Variants in NRCAM observed in about 807,000 individuals in gnomAD.
The protein encoded by NRCAM is NgCAM-related cell adhesion molecule.
A neutral mutation model predicts 156.5 loss-of-function variants in NRCAM; 83 were observed. The observed-to-expected ratio is 0.53, with a 90% CI of 0.44 to 0.64. The LOEUF is 0.64. NRCAM is among the 30% of genes least tolerant of loss of function. The probability of loss-of-function intolerance (pLI) is 0.00; values close to 1 mark genes in which losing one functional copy is unlikely to be tolerated. For synonymous variants in NRCAM, 538 were observed against 563.9 expected (o/e 0.95, Z 0.65); for missense variants, 1,417 against 1,597.3 (o/e 0.89, Z 1.92).
At chr7:108,223,513 C>T (rs1394378464) in intron 11 of NRCAM, among the ~76,000 whole-genome samples, 1 of 151,966 alleles carries the variant, frequency 6.6e-6, no homozygotes, top group African/African-American at 2.4e-5. Context: ...ATTACTGATA[C>T]TTATTTCAAT....
In NRCAM at chr7:108,209,610, T is replaced by C. The variant is rs2082949840; in HGVS notation, c.891-5A>G. 3 of 1,573,672 alleles carry C rather than the reference T, an allele frequency of 1.9e-6. No individual in the cohort carries two copies. Among genetic ancestry groups the C allele is most frequent in the African/African-American group, 1.4e-5 (1 of 72,818 alleles). On this transcript the variant is annotated splice_polypyrimidine_tract_variant and splice_region_variant and intron_variant, in intron 11 of 32. Transcript: ENST00000379028. ...CAGTAAATAATTGGGGTAGGCCTGA[T>C]AGGATAAATAAATAATGATGTTACA...
intron 2 of NRCAM, among the ~76,000 whole-genome samples, chr7:108,374,976 A>G (rs973941633): frequency 5.3e-5 from 8 of 152,170 alleles, no homozygotes; most frequent in African/African-American, 1.9e-4. Context: ...ATTTATTGAG[A>G]GTCAGTACAT....
intron 32 of NRCAM, among the ~76,000 whole-genome samples, chr7:108,155,189 C>T (rs1172515180): frequency 6.7e-6 from 1 of 150,062 alleles, no homozygotes; most frequent in Non-Finnish European, 1.5e-5. Flanking sequence ...GAGTAGGCAG[C>T]AGTAGTATTC....
chr7:108,237,728 A>G (rs748993014), intron 5 of NRCAM, 24 bp downstream of exon 5: 2 of 1,566,464 alleles, frequency 1.3e-6, no homozygotes, highest in Non-Finnish European at 1.7e-6. Context: ...CACACTGCCT[A>G]GTAATTTATA....
intron 1 of NRCAM, among the ~76,000 whole-genome samples, chr7:108,414,482 G>A (rs1312598694): frequency 6.6e-6 from 1 of 152,134 alleles, no homozygotes; most frequent in Non-Finnish European, 1.5e-5. Context: ...CTCTACATTA[G>A]ACTAGCCCTG....
rs954191486 is a variant in NRCAM at position 108,240,043 on chromosome 7, T to C, written c.22A>G (p.Lys8Glu). 6.2e-7 allele frequency: 1 copy of C among 1,613,194 alleles called. No individual in the cohort carries two copies. The highest frequency in any genetic ancestry group is 8.5e-7 in the Non-Finnish European group (1 of 1,179,274). ...CTGCCCGCAGATAAGCGCTTCTTTT[T>C]CGGCATTATTTTAAGCTGCATTAGC... is the stretch of plus-strand genomic sequence containing the variant. The part of the protein sequence containing the change: MQLKIMP[K>E]KKRLSAGRVP... The change falls in exon 4 of 33, where the codon AAA (lysine) becomes GAA (glutamate). Residue 8 changes from lysine (K) to glutamate (E), a missense_variant. Physicochemically the swap from Lys to Glu is moderately conservative, Grantham distance 56. Transcript: ENST00000379028.
At chr7:108,272,384 A>T (rs1485266870) in intron 3 of NRCAM, among the ~76,000 whole-genome samples, 1 of 152,018 alleles carries the variant, frequency 6.6e-6, no homozygotes, top group African/African-American at 2.4e-5. Context: ...GAACACACAC[A>T]CTCCTAAAGT....
chr7:108,338,653 G>A (rs547338695), intron 2 of NRCAM, among the ~76,000 whole-genome samples: 44 of 151,586 alleles, frequency 2.9e-4, no homozygotes, highest in African/African-American at 1.0e-3. Flanking sequence ...AGAGGAGAAA[G>A]AGGCAGAGAG....
chr7:108,175,131 G>C (rs2059996181), intron 28 of NRCAM, among the ~76,000 whole-genome samples, 191 bp downstream of exon 28: 1 of 152,160 alleles, frequency 6.6e-6, no homozygotes, highest in African/African-American at 2.4e-5. Flanking sequence ...AATGTTTTGA[G>C]AATTCAATAT....
chr7:108,174,639 G>C (rs2059792489), intron 28 of NRCAM, among the ~76,000 whole-genome samples: 1 of 152,262 alleles, frequency 6.6e-6, no homozygotes, highest in Non-Finnish European at 1.5e-5. Context: ...GACCCAGAGA[G>C]CTGTCAGAAA....
In NRCAM at chr7:108,234,859, G is replaced by A. The variant is rs1220183746; in HGVS notation, c.125-171C>T. The A allele has an allele frequency of 1.2e-5, 9 of 752,976 alleles. No homozygotes were observed. The Admixed American group carries it at 1.5e-4, about 13-fold the overall frequency. 46.6% of individuals were successfully genotyped at this position (752,976 alleles called of 1,614,324 possible). A position where few individuals can be genotyped will look rare whatever the true frequency, so the allele number is the denominator to read the frequency against. ...CAGTAGATTTTTCTGCTAAAGGTCTGCTAAAACTGTGAAGTCAAGGTTTAA... is the reference window on the plus strand; with the variant it reads ...CAGTAGATTTTTCTGCTAAAGGTCTACTAAAACTGTGAAGTCAAGGTTTAA... On this transcript the variant is annotated intron_variant, in intron 5 of 32. Coordinates refer to ENST00000379028, the MANE Select transcript of NRCAM (RefSeq NM_001037132.4).
At chr7:108,183,243 C>T (rs548648339) in intron 22 of NRCAM, among the ~76,000 whole-genome samples, 2 of 151,998 alleles carry the variant, frequency 1.3e-5, no homozygotes, top group Non-Finnish European at 2.9e-5. Flanking sequence ...TTTTTATATT[C>T]CTGTTTGTGC....
At chr7:108,221,299 A>G (rs1316598917) in intron 11 of NRCAM, among the ~76,000 whole-genome samples, 1 of 152,226 alleles carries the variant, frequency 6.6e-6, no homozygotes, top group African/African-American at 2.4e-5. Context: ...GAGATTCCTT[A>G]AAGTACCAAA....
intron 3 of NRCAM, among the ~76,000 whole-genome samples, chr7:108,268,636 T>TGGGGGGGG (rs1300340254): frequency 2.4e-4 from 2 of 8,492 alleles, no homozygotes; most frequent in African/African-American, 9.6e-4. Flanking sequence ...GGGGGGGGGT[T>TGGGGGGGG]GGGGGGGGCG....
intron 30 of NRCAM, among the ~76,000 whole-genome samples, chr7:108,164,614 T>A (rs1437357269): frequency 2.7e-5 from 4 of 150,748 alleles, no homozygotes; most frequent in Non-Finnish European, 5.9e-5. Flanking sequence ...AGACGGTGCT[T>A]TCACACTGGA....
chr7:108,176,283 T>C, intron 27 of NRCAM, 147 bp downstream of exon 27: 2 of 675,782 alleles, frequency 3.0e-6, no homozygotes, highest in Non-Finnish European at 4.9e-6. Flanking sequence ...AATAGCTGAT[T>C]ATATATCAGA....
chr7:108,312,151 C>T (rs1031949694), intron 3 of NRCAM, among the ~76,000 whole-genome samples: 4 of 152,044 alleles, frequency 2.6e-5, no homozygotes, highest in Non-Finnish European at 5.9e-5. Flanking sequence ...AAGGAATTTA[C>T]AAAGCAGAAA....
At chr7:108,274,582 T>C (rs573502657) in intron 3 of NRCAM, among the ~76,000 whole-genome samples, 14 of 152,344 alleles carry the variant, frequency 9.2e-5, no homozygotes, top group East Asian at 3.9e-4. Context: ...TTTTTGCACA[T>C]TGATTTTGTA....
intron 2 of NRCAM, among the ~76,000 whole-genome samples, chr7:108,348,068 C>A (rs150317075): frequency 9.2e-5 from 14 of 152,156 alleles, no homozygotes; most frequent in African/African-American, 2.4e-4. Context: ...GCCCCAAATA[C>A]GCAGGTAAGA....
Sources: gnomAD v4.1 joint callset for allele counts (sites outside exome capture counted in the v4.1 genomes callset) on GRCh38, gnomAD v4.1.1 for gene constraint, MANE v1.5 for transcripts, NCBI Gene and HGNC (gene_info 2026-07-23, HGNC 2026-07-21) for gene names.